MYO3B: variants seen among roughly 807,000 people sequenced by gnomAD.
The protein encoded by MYO3B is myosin IIIB, also known as myosin-IIIb.
In MYO3B, 156 loss-of-function variants were observed where a neutral mutation model predicts 174.6. The ratio of observed to expected loss-of-function variants is 0.89; its 90% CI spans 0.78 to 1.02. The LOEUF (loss-of-function observed/expected upper bound fraction) is 1.02. MYO3B is among the 50% of genes least tolerant of loss of function. The pLI is 0.00. For synonymous variants in MYO3B, 563 were observed against 569.1 expected (o/e 0.99, Z 0.15); for missense variants, 1,632 against 1,639.4 (o/e 1.00, Z 0.08).
At chr2:170,532,668 TAGTC>T (rs1051449327) in intron 30 of MYO3B, among the ~76,000 whole-genome samples, 1 of 151,822 alleles carries the variant, frequency 6.6e-6, no homozygotes, top group Non-Finnish European at 1.5e-5. Context: ...CAAAAAAAAT[TAGTC>T]AGGCATGGTG....
chr2:170,469,028 T>C lies in MYO3B; in HGVS notation c.3014+2317T>C, dbSNP rs1277888313. 2.0e-5 allele frequency among the ~76,000 whole-genome samples: 3 copies of C among 152,010 alleles called. No individual in the cohort carries two copies. In the East Asian group the frequency reaches 5.8e-4, roughly 29 times the overall value. Reference sequence around the variant, plus strand: ...AAATTAGCTGGGTGTGGTGGCTACTTGGGAGGCTGAGCCAGGAGAATCGCT... The same window carrying C: ...AAATTAGCTGGGTGTGGTGGCTACTCGGGAGGCTGAGCCAGGAGAATCGCT... On this transcript the variant is annotated intron_variant, in intron 25 of 34. Transcript: ENST00000408978.
In MYO3B at chr2:170,542,892, TG is replaced by T. The variant is rs1183061306; in HGVS notation, c.3576-13del. The T allele has an allele frequency of 1.3e-6, 2 of 1,582,204 alleles. No individual in the cohort carries two copies. Among genetic ancestry groups the T allele is most frequent in the African/African-American group, 2.7e-5 (2 of 73,820 alleles). On this transcript the variant is annotated splice_polypyrimidine_tract_variant and intron_variant, in intron 30 of 34. Transcript: ENST00000408978. The stretch of plus-strand genomic sequence containing the variant: ...TCAAGTCTTTTAAAATTATTATTAT[TG>T]TTATCTTTTCAGGCATTCACAAGCC...
chr2:170,454,941 C>A (rs573997374), intron 23 of MYO3B, among the ~76,000 whole-genome samples: 1 of 152,252 alleles, frequency 6.6e-6, no homozygotes, highest in East Asian at 1.9e-4. Context: ...TGTCCTCTTG[C>A]ACTGAGTCAA....
rs111416315 is a variant in MYO3B at position 170,208,001 on chromosome 2, T to G, written c.322-6378T>G. The stretch of plus-strand genomic sequence containing the variant: ...TCCACTCTTACCCACGTATGCCCTA[T>G]CTCCTCTGCTGTCAGTAGCCTTTGA... On this transcript the variant is annotated intron_variant, in intron 3 of 34. Transcript: ENST00000408978. 1.5e-4 allele frequency among the ~76,000 whole-genome samples: 23 copies of G among 152,284 alleles called. 1 individual carries two copies. The Middle Eastern group carries it at 0.01, about 68-fold the overall frequency.
intron 23 of MYO3B, among the ~76,000 whole-genome samples, chr2:170,450,537 A>AGC (rs978131448): frequency 5.3e-5 from 8 of 152,056 alleles, no homozygotes; most frequent in Non-Finnish European, 1.2e-4. Flanking sequence ...GCATGAGGCC[A>AGC]GCTGAATCTG....
intron 22 of MYO3B, among the ~76,000 whole-genome samples, chr2:170,420,419 C>A (rs1295808220): frequency 6.6e-6 from 1 of 151,994 alleles, no homozygotes; most frequent in Non-Finnish European, 1.5e-5. Context: ...TCTCAGTATG[C>A]TGATTTCATG....
chr2:170,531,381 G>A (rs888027348), intron 30 of MYO3B, among the ~76,000 whole-genome samples: 2 of 152,032 alleles, frequency 1.3e-5, no homozygotes, highest in Non-Finnish European at 2.9e-5. Flanking sequence ...TGACAACAAG[G>A]GCCCTAGAGT....
intron 32 of MYO3B, among the ~76,000 whole-genome samples, chr2:170,631,051 A>AT (rs1324894000): frequency 6.6e-6 from 1 of 152,228 alleles, no homozygotes; most frequent in Non-Finnish European, 1.5e-5. Flanking sequence ...CTGGACGGAG[A>AT]ATGACTTTGA....
At chr2:170,201,270 C>T (rs1179467801) in intron 3 of MYO3B, among the ~76,000 whole-genome samples, 1 of 152,152 alleles carries the variant, frequency 6.6e-6, no homozygotes, top group African/African-American at 2.4e-5. Flanking sequence ...ACAGGTCTAT[C>T]GCCACATTCT....
At chr2:170,641,564 T>C (rs1697949706) in intron 32 of MYO3B, 1 of 152,074 alleles carries the variant, frequency 6.6e-6, no homozygotes, top group African/African-American at 2.4e-5. Context: ...GTGACCAAAA[T>C]AGGAAATTAT....
intron 29 of MYO3B, among the ~76,000 whole-genome samples, chr2:170,518,848 A>G (rs968888331): frequency 3.3e-5 from 5 of 152,348 alleles, no homozygotes; most frequent in Non-Finnish European, 5.9e-5. Flanking sequence ...TTCAGGTTGA[A>G]TTAAAGTTCA....
chr2:170,448,384 C>A (rs1031880090), intron 23 of MYO3B, among the ~76,000 whole-genome samples: 2 of 152,146 alleles, frequency 1.3e-5, no homozygotes, highest in Admixed American at 6.5e-5. Context: ...GGTTTTGTAA[C>A]ACCTTATTCT....
At chr2:170,480,346 A>C (rs1456588061) in intron 25 of MYO3B, among the ~76,000 whole-genome samples, 1 of 152,020 alleles carries the variant, frequency 6.6e-6, no homozygotes, top group Non-Finnish European at 1.5e-5. Flanking sequence ...ATAACCCAAG[A>C]GGTTTGGATT....
intron 7 of MYO3B, among the ~76,000 whole-genome samples, chr2:170,301,874 CTTT>C (rs10538086): frequency 2.5e-3 from 189 of 74,736 alleles, no homozygotes; most frequent in Middle Eastern, 0.011. Context: ...AAAGTGGAGG[CTTT>C]TTTTTTTTTT....
chr2:170,554,110 A>T (rs1466514943), intron 32 of MYO3B, among the ~76,000 whole-genome samples: 1 of 152,112 alleles, frequency 6.6e-6, no homozygotes, highest in East Asian at 1.9e-4. Context: ...ACAAATACAG[A>T]GACTTTTCTC....
chr2:170,474,904 C>T (rs1333796089), intron 25 of MYO3B, among the ~76,000 whole-genome samples: 2 of 151,628 alleles, frequency 1.3e-5, no homozygotes, highest in Non-Finnish European at 2.9e-5. Context: ...TTTAGAATTT[C>T]GTAGGAACAA....
At chr2:170,441,555 C>T (rs889411777) in intron 22 of MYO3B, among the ~76,000 whole-genome samples, 3 of 152,160 alleles carry the variant, frequency 2.0e-5, no homozygotes, top group Non-Finnish European at 4.4e-5. Context: ...CAGAGCAGCC[C>T]CAAGGGCTGC....
In MYO3B at chr2:170,254,231, G is replaced by A. The variant is rs375820576; in HGVS notation, c.749+18095G>A. 1.8e-4 allele frequency among the ~76,000 whole-genome samples: 28 copies of A among 152,250 alleles called. 1 individual carries two copies. Among genetic ancestry groups the A allele is most frequent in the African/African-American group, 6.7e-4 (28 of 41,550 alleles). On this transcript the variant is annotated intron_variant, in intron 7 of 34. Transcript: ENST00000408978. ...CCATGATCCCTATAGACATTTAGATGGGCAGGAGGAGCTGCCTGTAGAGTA... is the reference window on the plus strand; with the variant it reads ...CCATGATCCCTATAGACATTTAGATAGGCAGGAGGAGCTGCCTGTAGAGTA...
At chr2:170,268,368 A>G (rs2093400186) in intron 7 of MYO3B, among the ~76,000 whole-genome samples, 1 of 152,252 alleles carries the variant, frequency 6.6e-6, no homozygotes, top group Non-Finnish European at 1.5e-5. Context: ...TGGGCAGAAT[A>G]AAAGATGAAC....
Sources: allele counts gnomAD v4.1 joint callset (sites outside exome capture counted in the v4.1 genomes callset), GRCh38; gene constraint gnomAD v4.1.1; transcripts MANE v1.5; gene names NCBI Gene and HGNC (gene_info 2026-07-23, HGNC 2026-07-21).